Variants in PARL observed in about 807,000 individuals in gnomAD.
PARL encodes presenilin associated rhomboid like.
Under a neutral mutation model 51.6 loss-of-function variants are expected in PARL, and 44 were observed. The ratio of observed to expected loss-of-function variants is 0.85; its 90% confidence interval spans 0.67 to 1.10. The LOEUF is 1.10. PARL is among the 50% of genes least tolerant of loss of function. The probability of loss-of-function intolerance (pLI) is 0.00; values close to 1 mark genes in which losing one functional copy is unlikely to be tolerated. For synonymous variants in PARL, 172 were observed against 164.0 expected, an observed-to-expected ratio of 1.05 and a Z score of -0.37; for missense variants, 441 against 469.5, an observed-to-expected ratio of 0.94 and a Z score of 0.56.
At chr3:183,875,646 A>T (rs534223039) in intron 1 of PARL, among the ~76,000 whole-genome samples, 17 of 152,342 alleles carry the variant, frequency 1.1e-4, no homozygotes, top group African/African-American at 4.1e-4. Flanking sequence ...TAAGGAAACA[A>T]GCTGTCTCTA....
intron 1 of PARL, among the ~76,000 whole-genome samples, chr3:183,878,741 C>T (rs1377003075): frequency 6.6e-6 from 1 of 152,116 alleles, no homozygotes; most frequent in East Asian, 1.9e-4. Flanking sequence ...AGGTCTGGGG[C>T]AAGGTGAGTC....
In PARL at chr3:183,876,942, T is replaced by A. The variant is rs976268636; in HGVS notation, c.125+7780A>T. Among the ~76,000 whole-genome samples the A allele has an allele frequency of 1.7e-4, 26 of 152,370 alleles. No homozygotes were observed. The East Asian group carries it at 5.0e-3, about 29-fold the overall frequency. Reference sequence around the variant, plus strand: ...AAAGAGAACTAGAGGCTGGGTGCAGTGGCTCATGCCTGTAATCCCAGTACC... The same window carrying A: ...AAAGAGAACTAGAGGCTGGGTGCAGAGGCTCATGCCTGTAATCCCAGTACC... On this transcript the variant is annotated intron_variant, in intron 1 of 9. Transcript: ENST00000317096.
intron 1 of PARL, among the ~76,000 whole-genome samples, chr3:183,871,659 G>A (rs1303309818): frequency 6.6e-6 from 1 of 152,078 alleles, no homozygotes; most frequent in East Asian, 1.9e-4. Context: ...CCATTGCTAA[G>A]AAGTTGACAG....
intron 2 of PARL, among the ~76,000 whole-genome samples, chr3:183,867,219 C>T (rs1732598356): frequency 6.6e-6 from 1 of 152,056 alleles, no homozygotes; most frequent in African/African-American, 2.4e-5. Context: ...CCAAAAAGGA[C>T]ATTTTATTGT....
intron 2 of PARL, 148 bp downstream of exon 2, chr3:183,867,717 T>C: frequency 1.6e-6 from 1 of 616,604 alleles, no homozygotes; most frequent in South Asian, 1.8e-5. Flanking sequence ...AAAAAAAAAA[T>C]TCAGACTCTA....
At position 183,856,025 on chromosome 3, in the gene PARL, G is replaced by T. The variant is rs930794867; in HGVS notation, c.511+6728C>A. Among the ~76,000 whole-genome samples, 3 of 151,148 alleles carry T rather than the reference G, an allele frequency of 2.0e-5. 1 individual carries two copies. The highest frequency in any genetic ancestry group is 7.3e-5 in the African/African-American group (3 of 41,112). ...ACAAAGTTTCACTTGTTCCCCTGCCGCTCACCTCCTGCTCTGCAGCCCGGT... is the reference window on the plus strand; with the variant it reads ...ACAAAGTTTCACTTGTTCCCCTGCCTCTCACCTCCTGCTCTGCAGCCCGGT... On this transcript the variant is annotated intron_variant, in intron 4 of 9. Coordinates refer to ENST00000317096, the MANE Select transcript of PARL (RefSeq NM_018622.7).
intron 8 of PARL, 43 bp downstream of exon 8, chr3:183,833,681 C>T: frequency 6.8e-7 from 1 of 1,462,958 alleles, no homozygotes; most frequent in Non-Finnish European, 9.6e-7. Flanking sequence ...AACATAAAAA[C>T]ATCACCACTA....
At chr3:183,876,558 ATTAT>A (rs1733830017) in intron 1 of PARL, among the ~76,000 whole-genome samples, 2 of 144,990 alleles carry the variant, frequency 1.4e-5, no homozygotes, top group South Asian at 2.2e-4. Flanking sequence ...TTTAAGTCTT[ATTAT>A]TTAAGAAATA....
In PARL at chr3:183,834,983, C is replaced by T. The variant is rs141317485; in HGVS notation, c.829-1158G>A. 2.4e-3 allele frequency among the ~76,000 whole-genome samples: 365 copies of T among 151,608 alleles called. 2 individuals are homozygous for T. Among genetic ancestry groups the T allele is most frequent in the African/African-American group, 6.7e-3 (279 of 41,354 alleles). On this transcript the variant is annotated intron_variant, in intron 7 of 9. Transcript: ENST00000317096. The stretch of plus-strand genomic sequence containing the variant: ...CTAAGGCCCGAGAATTGCTTGAACC[C>T]GGGAGGCAGAGGTTGCAGTGAGCCG...
chr3:183,881,896 A>T (rs978952457), intron 1 of PARL, among the ~76,000 whole-genome samples: 2 of 152,110 alleles, frequency 1.3e-5, no homozygotes, highest in African/African-American at 4.8e-5. Flanking sequence ...TAATATGTCA[A>T]GTATCTTACT....
chr3:183,867,597 A>G (rs1190228233), intron 2 of PARL, among the ~76,000 whole-genome samples: 4 of 151,910 alleles, frequency 2.6e-5, no homozygotes, highest in South Asian at 2.1e-4. Flanking sequence ...CTACTTGGGA[A>G]GCTGAGGCAG....
chr3:183,827,755 G>C (rs116826916), downstream of PARL, among the ~76,000 whole-genome samples: 1,713 of 152,268 alleles, frequency 0.011, 41 homozygotes, highest in African/African-American at 0.04. Context: ...AGGGCGGGGG[G>C]GTGGTCCCAG....
At chr3:183,833,616 A>C (rs1728208660) in intron 8 of PARL, 27 bp from the exon 9 acceptor site, 7 of 1,552,968 alleles carry the variant, frequency 4.5e-6, no homozygotes, top group Middle Eastern at 3.4e-4. Flanking sequence ...AACAAGCGGC[A>C]CAACTGTGAT....
chr3:183,866,787 A>G lies in PARL; in HGVS notation c.322-22T>C, dbSNP rs181984247. The G allele has an allele frequency of 2.6e-6, 4 of 1,514,438 alleles. No individual in the cohort carries two copies. In the Admixed American group the frequency reaches 6.7e-5, roughly 25 times the overall value. The allele number at this position is 1,514,438 out of a possible 1,614,324, so 93.8% of individuals were successfully genotyped here. On this transcript the variant is annotated intron_variant, in intron 2 of 9. Coordinates refer to ENST00000317096, the MANE Select transcript of PARL (RefSeq NM_018622.7). ...TAAACTATATAAAATTAGATATATT[A>G]CAAAATAGATTTAAGAGGGAAATAG...
intron 6 of PARL, among the ~76,000 whole-genome samples, chr3:183,841,456 T>C (rs1729303494): frequency 6.6e-6 from 1 of 152,184 alleles, no homozygotes; most frequent in Non-Finnish European, 1.5e-5. Flanking sequence ...CCCCTTGTCA[T>C]GAGGAGGTAA....
At chr3:183,878,764 T>C (rs915466462) in intron 1 of PARL, among the ~76,000 whole-genome samples, 1 of 152,198 alleles carries the variant, frequency 6.6e-6, no homozygotes, top group Non-Finnish European at 1.5e-5. Context: ...AGATTTTGCA[T>C]ATCTAAACAA....
intron 6 of PARL, among the ~76,000 whole-genome samples, chr3:183,841,019 T>C (rs557138139): frequency 1.4e-4 from 21 of 152,218 alleles, no homozygotes; most frequent in Non-Finnish European, 2.5e-4. Context: ...ACCTGCTGCA[T>C]GATCTGCTGA....
At chr3:183,873,721 T>C (rs1733480906) in intron 1 of PARL, among the ~76,000 whole-genome samples, 1 of 152,146 alleles carries the variant, frequency 6.6e-6, no homozygotes, top group South Asian at 2.1e-4. Context: ...AAACTACTTC[T>C]ACCTGTCACC....
intron 4 of PARL, among the ~76,000 whole-genome samples, chr3:183,860,315 T>C (rs1731667414): frequency 6.6e-6 from 1 of 152,198 alleles, no homozygotes; most frequent in South Asian, 2.1e-4. Flanking sequence ...TAAGCACCAC[T>C]TACAGACATT....
Sources: gnomAD v4.1 joint callset for allele counts (sites outside exome capture counted in the v4.1 genomes callset) on GRCh38, gnomAD v4.1.1 for gene constraint, MANE v1.5 for transcripts, NCBI Gene and HGNC (gene_info 2026-07-23, HGNC 2026-07-21) for gene names.